Variants in MIER1 observed in about 807,000 individuals in gnomAD.
MIER1 encodes mesoderm induction early response protein 1.
MIER1 carries 40 observed loss-of-function variants against 75.7 expected under a neutral mutation model. The observed-to-expected ratio is 0.53, with a 90% CI of 0.41 to 0.69. MIER1 has a LOEUF of 0.69. MIER1 is among the 30% of genes least tolerant of loss of function. MIER1 has a pLI of 0.00. For missense variants in MIER1, 574 were observed against 680.2 expected (o/e 0.84, Z 1.74); for synonymous variants, 213 against 223.4 (o/e 0.95, Z 0.42).
chr1:66,940,149 C>G (rs963485912), intron 3 of MIER1, 97 bp downstream of exon 3: 2 of 856,922 alleles, frequency 2.3e-6, no homozygotes, highest in Admixed American at 2.3e-5. Context: ...ATCTGACTTG[C>G]TTTTCTTCTG....
chr1:66,967,195 T>C (rs185273371), intron 8 of MIER1, among the ~76,000 whole-genome samples: 18 of 152,296 alleles, frequency 1.2e-4, no homozygotes, highest in East Asian at 7.7e-4. Flanking sequence ...TGACAAGATA[T>C]AGGGGTCTAG....
intron 8 of MIER1, among the ~76,000 whole-genome samples, chr1:66,963,846 T>C (rs1661759804): frequency 6.6e-6 from 1 of 151,870 alleles, no homozygotes; most frequent in Non-Finnish European, 1.5e-5. Flanking sequence ...AGGCAGAGGT[T>C]GCAGTGAGCC....
intron 8 of MIER1, among the ~76,000 whole-genome samples, chr1:66,965,336 T>A (rs922554499): frequency 1.6e-4 from 25 of 152,030 alleles, no homozygotes; most frequent in African/African-American, 5.8e-4. Flanking sequence ...TTATTAAATT[T>A]CTTTTAAATT....
intron 4 of MIER1, among the ~76,000 whole-genome samples, chr1:66,951,968 C>G (rs1330070490): frequency 6.6e-6 from 1 of 152,262 alleles, no homozygotes; most frequent in Non-Finnish European, 1.5e-5. Flanking sequence ...CAGTGTGGGA[C>G]TTAGGATAGG....
intron 7 of MIER1, 38 bp downstream of exon 7, chr1:66,959,781 T>G (rs781013336): frequency 3.3e-5 from 35 of 1,052,550 alleles, no homozygotes; most frequent in Non-Finnish European, 4.3e-5. Flanking sequence ...TTAGATAAAT[T>G]AATATTTTTT....
At chr1:66,927,487 T>C (rs988997196) in intron 2 of MIER1, among the ~76,000 whole-genome samples, 5 of 152,178 alleles carry the variant, frequency 3.3e-5, no homozygotes, top group African/African-American at 9.6e-5. Flanking sequence ...CATTTTCTTA[T>C]GCCTTTAGCT....
intron 4 of MIER1, among the ~76,000 whole-genome samples, chr1:66,954,634 T>C (rs1209823374): frequency 6.6e-6 from 1 of 152,168 alleles, no homozygotes; most frequent in Non-Finnish European, 1.5e-5. Flanking sequence ...CTTTTGACTC[T>C]CTCTGTTCTC....
intron 10 of MIER1, among the ~76,000 whole-genome samples, chr1:66,972,259 TATAG>T (rs147846200): frequency 0.38 from 36,968 of 96,080 alleles, 5,324 homozygotes; most frequent in African/African-American, 0.54. Flanking sequence ...TATATATATA[TATAG>T]ATATGTAACA....
chr1:66,938,301 ATTC>A (rs1291559773), intron 2 of MIER1, among the ~76,000 whole-genome samples: 1 of 152,224 alleles, frequency 6.6e-6, no homozygotes, highest in Admixed American at 6.5e-5. Context: ...TGTAACTTTT[ATTC>A]TTCAGTAACT....
chr1:66,951,508 T>G (rs1658939691), intron 4 of MIER1, among the ~76,000 whole-genome samples: 1 of 152,174 alleles, frequency 6.6e-6, no homozygotes, highest in South Asian at 2.1e-4. Flanking sequence ...TTGCCCTTCC[T>G]TTTGTTACAG....
chr1:66,971,857 A>G (rs996738992), intron 10 of MIER1, 121 bp downstream of exon 10: 2 of 534,576 alleles, frequency 3.7e-6, no homozygotes, highest in African/African-American at 2.0e-5. Flanking sequence ...ATAAATATTT[A>G]CAAAATACCA....
chr1:66,930,441 GC>G, intron 2 of MIER1: 1 of 1,599,982 alleles, frequency 6.3e-7, no homozygotes, highest in Non-Finnish European at 8.5e-7. Flanking sequence ...GGAGCCGGGC[GC>G]CCCCGGCCCT....
chr1:66,946,857 T>G, intron 4 of MIER1: 1 of 985,232 alleles, frequency 1.0e-6, no homozygotes, highest in Non-Finnish European at 1.2e-6. Flanking sequence ...TCCCTTCTTT[T>G]ACTTGAATTC....
rs962778719 is a variant in MIER1 at position 66,984,583 on chromosome 1, A to G, written c.1381A>G (p.Asn461Asp). The G allele has an allele frequency of 1.3e-6, 2 of 1,592,738 alleles. No individual in the cohort carries two copies. The highest frequency in any genetic ancestry group is 1.7e-6 in the Non-Finnish European group (2 of 1,172,254). Residue 461 changes from asparagine (N) to aspartate (D), a missense_variant, in exon 14 of 14, where the codon AAT becomes GAT. Coordinates refer to ENST00000401041, the MANE Select transcript of MIER1 (RefSeq NM_001077700.3). ...TTCTTTCAACTTAGGAGTGTCATCTAATGGACCAGGTGAAATATTAAACAA... is the reference window on the plus strand; with the variant it reads ...TTCTTTCAACTTAGGAGTGTCATCTGATGGACCAGGTGAAATATTAAACAA... ...STANQNGVSSNGPGEILNKEE... is the reference protein window; with the variant it reads ...STANQNGVSSDGPGEILNKEE...
chr1:66,926,813 T>C (rs6666388), intron 2 of MIER1, among the ~76,000 whole-genome samples: 5,170 of 152,298 alleles, frequency 0.034, 130 homozygotes, highest in Non-Finnish European at 0.054. Context: ...GTTGTATTAA[T>C]CTATTTCAGT....
At chr1:66,936,513 G>A (rs1165913285) in intron 2 of MIER1, among the ~76,000 whole-genome samples, 7 of 151,960 alleles carry the variant, frequency 4.6e-5, no homozygotes, top group African/African-American at 1.7e-4. Context: ...GATTACAGGC[G>A]TGAGCCACCG....
chr1:66,962,998 A>G (rs1444829694), intron 7 of MIER1, 90 bp from the exon 8 acceptor site: 4 of 854,076 alleles, frequency 4.7e-6, no homozygotes, highest in East Asian at 2.6e-5. Flanking sequence ...CAGAGAAACC[A>G]GGAACAGTTT....
At chr1:66,940,483 G>A (rs964614356) in intron 3 of MIER1, among the ~76,000 whole-genome samples, 1 of 151,860 alleles carries the variant, frequency 6.6e-6, no homozygotes, top group Non-Finnish European at 1.5e-5. Context: ...GTAAGCAAAC[G>A]ATTCAACAAG....
chr1:66,976,423 T>C (rs1664742256), intron 11 of MIER1, among the ~76,000 whole-genome samples, 172 bp from the exon 12 acceptor site: 1 of 152,240 alleles, frequency 6.6e-6, no homozygotes, highest in Non-Finnish European at 1.5e-5. Context: ...TTTCTCTTAA[T>C]AGATGTTTAG....
Sources: gnomAD v4.1 joint callset for allele counts (sites outside exome capture counted in the v4.1 genomes callset) on GRCh38, gnomAD v4.1.1 for gene constraint, MANE v1.5 for transcripts, NCBI Gene and HGNC (gene_info 2026-07-23, HGNC 2026-07-21) for gene names.